The following PPP2R2B variants were observed in gnomAD, a reference collection of about 807,000 sequenced individuals.
PPP2R2B encodes serine/threonine-protein phosphatase 2A 55 kDa regulatory subunit B beta isoform.
In PPP2R2B, 5 loss-of-function variants were observed where a neutral mutation model predicts 46.0. That is an observed-to-expected ratio of 0.11 (90% CI 0.06 to 0.23). The LOEUF (loss-of-function observed/expected upper bound fraction) is 0.23. Ranked by LOEUF, PPP2R2B falls within the 10% of genes least tolerant of loss-of-function variation. PPP2R2B has a pLI of 1.00. For synonymous variants in PPP2R2B, 215 were observed against 206.7 expected (o/e 1.04, Z -0.34); for missense variants, 367 against 575.0 (o/e 0.64, Z 3.70).
intron 7 of PPP2R2B, among the ~76,000 whole-genome samples, chr5:146,630,479 C>T (rs1774352362): frequency 6.6e-6 from 1 of 152,192 alleles, no homozygotes; most frequent in South Asian, 2.1e-4. Context: ...TGAAGAGCTA[C>T]AGGTGGTCTG....
chr5:146,634,259 A>C (rs978878760), intron 7 of PPP2R2B, among the ~76,000 whole-genome samples: 2 of 152,164 alleles, frequency 1.3e-5, no homozygotes, highest in Non-Finnish European at 2.9e-5. Context: ...TCGAGCTGGA[A>C]CATTGTATTT....
chr5:146,884,966 T>A (rs1762274875), intron 1 of PPP2R2B, among the ~76,000 whole-genome samples: 1 of 152,194 alleles, frequency 6.6e-6, no homozygotes, highest in Non-Finnish European at 1.5e-5. Context: ...GGCAAAAATT[T>A]AGCCATAAAA....
chr5:146,853,997 G>A (rs1760499047), intron 2 of PPP2R2B, among the ~76,000 whole-genome samples: 1 of 151,930 alleles, frequency 6.6e-6, no homozygotes, highest in African/African-American at 2.4e-5. Context: ...CTGTTGTCCT[G>A]TATGTGTCCC....
chr5:146,661,643 C>T (rs994829477), intron 5 of PPP2R2B, among the ~76,000 whole-genome samples: 1 of 152,130 alleles, frequency 6.6e-6, no homozygotes, highest in African/African-American at 2.4e-5. Context: ...ATTTCATGCT[C>T]TTTGTGTCAT....
intron 2 of PPP2R2B, among the ~76,000 whole-genome samples, chr5:146,797,676 C>T (rs948902410): frequency 2.1e-4 from 32 of 152,214 alleles, no homozygotes; most frequent in African/African-American, 7.2e-4. Flanking sequence ...ATTTATTGAA[C>T]ATGCAGTAAC....
At chr5:146,840,476 AAATT>A (rs1173935823) in intron 2 of PPP2R2B, among the ~76,000 whole-genome samples, 2 of 152,202 alleles carry the variant, frequency 1.3e-5, no homozygotes, top group Non-Finnish European at 2.9e-5. Flanking sequence ...CAGAATAACC[AAATT>A]AATCTCTCCT....
intron 1 of PPP2R2B, among the ~76,000 whole-genome samples, chr5:146,908,819 C>T (rs1763087215): frequency 6.6e-6 from 1 of 151,938 alleles, no homozygotes; most frequent in African/African-American, 2.4e-5. Context: ...TCCTTCCTTC[C>T]CACCCAGGGT....
rs1272702949 is a variant in PPP2R2B at position 147,034,562 on chromosome 5, T to C, written c.79+21103A>G. ...TCTTTGGAATGAGTCCATGTTTATTTTTTCTTTACTTAAAGGGAAATAAGT... is the reference window on the plus strand; with the variant it reads ...TCTTTGGAATGAGTCCATGTTTATTCTTTCTTTACTTAAAGGGAAATAAGT... On this transcript the variant is annotated intron_variant, in intron 1 of 8. Transcript: ENST00000336640. Among the ~76,000 whole-genome samples the C allele has an allele frequency of 2.0e-5, 3 of 152,318 alleles. No individual in the cohort carries two copies. In the East Asian group the frequency reaches 5.8e-4, roughly 29 times the overall value.
Position 146,689,436 on chromosome 5 carries a change from A to C in PPP2R2B, c.447+1692T>G, listed in dbSNP as rs538572073. Among the ~76,000 whole-genome samples, 25 of 152,310 alleles carry C rather than the reference A, an allele frequency of 1.6e-4. 1 individual carries two copies. In the East Asian group the frequency reaches 2.5e-3, roughly 15 times the overall value. On this transcript the variant is annotated intron_variant, in intron 5 of 9. Transcript: ENST00000394411. ...TATACACAAATACCATTGTGTTATA[A>C]TTGCTTACTATTCAACACAGGAACA...
chr5:146,848,586 C>T (rs370352271), intron 2 of PPP2R2B, among the ~76,000 whole-genome samples: 1 of 152,248 alleles, frequency 6.6e-6, no homozygotes. Context: ...AGTGCCATTT[C>T]CATCCTATCA....
At chr5:146,627,048 G>C (rs1487703952) in intron 7 of PPP2R2B, among the ~76,000 whole-genome samples, 19 of 152,092 alleles carry the variant, frequency 1.2e-4, no homozygotes, top group Non-Finnish European at 2.9e-5. Context: ...GCTTGAATGG[G>C]ATAGAGCAGC....
At chr5:146,769,023 A>G (rs919534789) in intron 2 of PPP2R2B, among the ~76,000 whole-genome samples, 3 of 152,032 alleles carry the variant, frequency 2.0e-5, no homozygotes, top group African/African-American at 7.2e-5. Flanking sequence ...GAAAGCAGGT[A>G]TGTGCCACCA....
intron 1 of PPP2R2B, among the ~76,000 whole-genome samples, chr5:147,041,756 C>T (rs1404726682): frequency 1.3e-5 from 2 of 152,088 alleles, no homozygotes; most frequent in South Asian, 4.2e-4. Context: ...GCTTTTTATT[C>T]ATTTGTTTAA....
chr5:146,927,854 T>C (rs1392725219), intron 1 of PPP2R2B, among the ~76,000 whole-genome samples: 1 of 151,726 alleles, frequency 6.6e-6, no homozygotes, highest in Non-Finnish European at 1.5e-5. Context: ...CTGCCTACTC[T>C]CTCCTGTTCC....
Position 146,610,028 on chromosome 5 carries a change from T to C in PPP2R2B, c.791-9568A>G, listed in dbSNP as rs1192025697. ...AGGAGGCCTGCCTGCCTCTGTGGGC[T>C]CCACCTCTGGGGGCAGGGCACAGAC... is the stretch of plus-strand genomic sequence containing the variant. On this transcript the variant is annotated intron_variant, in intron 7 of 9. Coordinates refer to ENST00000394411, the MANE Select transcript of PPP2R2B (RefSeq NM_181675.4). Among the ~76,000 whole-genome samples, 5 of 130,038 alleles carry C rather than the reference T, an allele frequency of 3.8e-5. 1 individual carries two copies. Among genetic ancestry groups the C allele is most frequent in the African/African-American group, 1.7e-4 (5 of 30,170 alleles). 85.3% of individuals were successfully genotyped at this position (130,038 alleles called of 152,430 possible).
intron 2 of PPP2R2B, among the ~76,000 whole-genome samples, chr5:146,801,979 A>G (rs1756896134): frequency 6.6e-6 from 1 of 152,200 alleles, no homozygotes; most frequent in African/African-American, 2.4e-5. Flanking sequence ...TCAATGGGGT[A>G]ATTCTGTTTT....
At chr5:147,081,198 C>T in intron 1 of PPP2R2B, 1 of 1,534,584 alleles carries the variant, frequency 6.5e-7, no homozygotes, top group East Asian at 2.4e-5. Flanking sequence ...TCTTAAGAGA[C>T]CAACAAGAAA....
chr5:146,859,924 C>G (rs1352069106), intron 2 of PPP2R2B, among the ~76,000 whole-genome samples: 1 of 151,910 alleles, frequency 6.6e-6, no homozygotes, highest in Middle Eastern at 3.2e-3. Context: ...AAAAGAAATT[C>G]TATCTGAAGT....
At chr5:147,023,744 A>C (rs1011338153) in intron 1 of PPP2R2B, among the ~76,000 whole-genome samples, 2 of 152,120 alleles carry the variant, frequency 1.3e-5, no homozygotes, top group Non-Finnish European at 1.5e-5. Context: ...TGTTTCTAGA[A>C]GAGATTAGCA....
Sources: allele counts gnomAD v4.1 joint callset (sites outside exome capture counted in the v4.1 genomes callset), GRCh38; gene constraint gnomAD v4.1.1; transcripts MANE v1.5; gene names NCBI Gene and HGNC (gene_info 2026-07-23, HGNC 2026-07-21).